The following ZC3H6 variants were observed in gnomAD, a reference collection of about 807,000 sequenced individuals.
The protein encoded by ZC3H6 is zinc finger CCCH domain-containing protein 6.
ZC3H6 carries 40 observed loss-of-function variants against 107.7 expected under a neutral mutation model. The ratio of observed to expected loss-of-function variants is 0.37; its 90% CI spans 0.29 to 0.48. ZC3H6 has a LOEUF of 0.48. ZC3H6 is among the 20% of genes least tolerant of loss of function. ZC3H6 has a pLI of 0.98. For synonymous variants in ZC3H6, 493 were observed against 487.9 expected (o/e 1.01, Z -0.14); for missense variants, 1,267 against 1,410.4 (o/e 0.90, Z 1.63).
At chr2:112,280,778 A>G (rs1375151997) in intron 1 of ZC3H6, among the ~76,000 whole-genome samples, 1 of 152,184 alleles carries the variant, frequency 6.6e-6, no homozygotes, top group African/African-American at 2.4e-5. Context: ...CAGGGATGAT[A>G]AAAGTGTTAG....
chr2:112,299,218 A>C (rs1198525689), intron 1 of ZC3H6, among the ~76,000 whole-genome samples: 1 of 150,632 alleles, frequency 6.6e-6, no homozygotes, highest in Non-Finnish European at 1.5e-5. Flanking sequence ...CGGAGCTTGC[A>C]GTGAGCCGAG....
intron 1 of ZC3H6, among the ~76,000 whole-genome samples, chr2:112,281,918 T>G (rs1010195224): frequency 2.6e-5 from 4 of 151,970 alleles, no homozygotes; most frequent in Admixed American, 6.6e-5. Flanking sequence ...AGTTAAAATA[T>G]TTTAAGGTTT....
At chr2:112,321,903 C>T in intron 8 of ZC3H6, 38 bp downstream of exon 8, 2 of 930,026 alleles carry the variant, frequency 2.2e-6, no homozygotes, top group Non-Finnish European at 1.6e-6. Context: ...TGTCTCTCCA[C>T]AAATACATTT....
At chr2:112,301,366 C>T (rs2104706231) in intron 2 of ZC3H6, among the ~76,000 whole-genome samples, 1 of 152,228 alleles carries the variant, frequency 6.6e-6, no homozygotes, top group South Asian at 2.1e-4. Context: ...GAGAAACAGG[C>T]ATATAGGGCC....
At chr2:112,317,134 C>T (rs530018370) in intron 6 of ZC3H6, 87 bp from the exon 7 acceptor site, 202 of 680,860 alleles carry the variant, frequency 3.0e-4, no homozygotes, top group Admixed American at 7.5e-4. Context: ...CCATGAGACA[C>T]CATGTAGAAA....
At chr2:112,296,521 A>C (rs1344063253) in intron 1 of ZC3H6, among the ~76,000 whole-genome samples, 1 of 152,046 alleles carries the variant, frequency 6.6e-6, no homozygotes, top group Non-Finnish European at 1.5e-5. Flanking sequence ...GAATATGTGC[A>C]CTCATTTTCT....
At chr2:112,279,574 T>C (rs1180580295) in intron 1 of ZC3H6, among the ~76,000 whole-genome samples, 1 of 152,122 alleles carries the variant, frequency 6.6e-6, no homozygotes, top group Non-Finnish European at 1.5e-5. Flanking sequence ...CCCTCGCAGC[T>C]TTCTGTCCTG....
At chr2:112,292,040 TG>T (rs1427603551) in intron 1 of ZC3H6, among the ~76,000 whole-genome samples, 2 of 152,218 alleles carry the variant, frequency 1.3e-5, no homozygotes, top group Non-Finnish European at 2.9e-5. Context: ...AAGTTCTAAT[TG>T]GTTCATTTGG....
intron 1 of ZC3H6, among the ~76,000 whole-genome samples, chr2:112,282,747 T>G (rs961506384): frequency 3.9e-5 from 6 of 152,180 alleles, no homozygotes; most frequent in Non-Finnish European, 8.8e-5. Flanking sequence ...AAAACCAAAT[T>G]TCAATAGTTG....
At position 112,335,030 on chromosome 2, in the gene ZC3H6, T is replaced by TATC. The variant is rs1677115529; in HGVS notation, c.*2543_*2544insTCA. 6.6e-6 allele frequency: 1 copy of TATC among 152,404 alleles called. No homozygotes were observed. The highest frequency in any genetic ancestry group is 1.5e-5 in the Non-Finnish European group (1 of 68,034). The allele number at this position is 152,404 out of a possible 1,614,324, so 9.4% of individuals were successfully genotyped here. On this transcript the variant is annotated 3_prime_UTR_variant, in exon 12 of 12. Transcript: ENST00000409871. Reference sequence around the variant, plus strand: ...TTGTGATGGAAATTCTATACCTGTTTACTGTGATGATGAATACAGTGGATA... The same window carrying TATC: ...TTGTGATGGAAATTCTATACCTGTTTATCACTGTGATGATGAATACAGTGGATA...
At chr2:112,296,833 T>A (rs59676631) in intron 1 of ZC3H6, among the ~76,000 whole-genome samples, 1,874 of 152,282 alleles carry the variant, frequency 0.012, 40 homozygotes, top group African/African-American at 0.043. Flanking sequence ...CTTTCACCAA[T>A]GAACAAACAA....
intron 1 of ZC3H6, among the ~76,000 whole-genome samples, chr2:112,298,686 G>C (rs977169177): frequency 6.6e-6 from 1 of 152,202 alleles, no homozygotes; most frequent in Non-Finnish European, 1.5e-5. Context: ...TGATATAAAA[G>C]AACTTGATCA....
intron 11 of ZC3H6, among the ~76,000 whole-genome samples, chr2:112,327,735 C>T (rs1676939263): frequency 6.6e-6 from 1 of 152,042 alleles, no homozygotes; most frequent in Admixed American, 6.6e-5. Flanking sequence ...TATGGATATC[C>T]AGTTTTTCCC....
rs1392475234 is a variant in ZC3H6 at position 112,339,257 on chromosome 2, A to G, written c.*6769A>G. On this transcript the variant is annotated 3_prime_UTR_variant, in exon 12 of 12. Transcript: ENST00000409871. ...TGAAAAATGATAAACTAACCATTAT[A>G]AAATAGAGGTTTGAGTCCACCTGTA... 1 of 152,152 alleles carries G rather than the reference A, an allele frequency of 6.6e-6. No homozygotes were observed. The highest frequency in any genetic ancestry group is 1.5e-5 in the Non-Finnish European group (1 of 68,018). The allele number at this position is 152,152 out of a possible 1,614,324, so 9.4% of individuals were successfully genotyped here.
rs1025881295 is a variant in ZC3H6, at chr2:112,313,822, C to T, written c.747+1885C>T. ...AGATCCGTCTCTGTCCTAGGCCTTTCAGAGACTATGAGAGTCTCCAAAGCC... is the reference window on the plus strand; with the variant it reads ...AGATCCGTCTCTGTCCTAGGCCTTTTAGAGACTATGAGAGTCTCCAAAGCC... On this transcript the variant is annotated intron_variant, in intron 5 of 11. Coordinates refer to ENST00000409871, the MANE Select transcript of ZC3H6 (RefSeq NM_198581.3). Among the ~76,000 whole-genome samples, 3 of 152,144 alleles carry T rather than the reference C, an allele frequency of 2.0e-5. 1 individual carries two copies. The highest frequency in any genetic ancestry group is 4.4e-5 in the Non-Finnish European group (3 of 68,014).
rs576953236 is a variant in ZC3H6 at position 112,331,420 on chromosome 2, A to C, written c.2502A>C (p.Glu834Asp). Residue 834 changes from glutamate to aspartate, a missense_variant, in exon 12 of 12, where the codon GAA becomes GAC. Glu to Asp is a conservative substitution (Grantham distance 45, BLOSUM62 2). Around this residue, in one of 3 missense-constraint regions of ZC3H6, gnomAD observed 925 missense variants for 1,025.7 expected, o/e 0.90. Transcript: ENST00000409871. ...AAGATACAGAAAGAGAACTGAGAGA[A>C]AAAGCTTTCTTAATACCTTTGGATG... ...DDEDTERELR[E>D]KAFLIPLDAS... 1 of 1,613,698 alleles carries C rather than the reference A, an allele frequency of 6.2e-7. No individual in the cohort carries two copies. Among genetic ancestry groups the C allele is most frequent in the African/African-American group, 1.3e-5 (1 of 75,016 alleles).
At chr2:112,288,843 A>T (rs1370019773) in intron 1 of ZC3H6, among the ~76,000 whole-genome samples, 1 of 72,440 alleles carries the variant, frequency 1.4e-5, no homozygotes, top group East Asian at 6.3e-4. Context: ...ATCCTCTCTA[A>T]CTTTAGGTAG....
At chr2:112,311,359 C>A (rs1215627099) in intron 4 of ZC3H6, among the ~76,000 whole-genome samples, 1 of 152,006 alleles carries the variant, frequency 6.6e-6, no homozygotes, top group Non-Finnish European at 1.5e-5. Context: ...CCAAGTTTTT[C>A]AAAAACAAAA....
At chr2:112,304,951 ATATCT>A (rs1298989447) in intron 3 of ZC3H6, among the ~76,000 whole-genome samples, 2 of 152,166 alleles carry the variant, frequency 1.3e-5, no homozygotes, top group African/African-American at 4.8e-5. Context: ...TTTTATTAAA[ATATCT>A]TCTCTTAAAA....
Sources: gnomAD v4.1 joint callset for allele counts (sites outside exome capture counted in the v4.1 genomes callset) on GRCh38, gnomAD v4.1.1 for gene constraint, gnomAD v4.1.1 regional missense constraint, MANE v1.5 for transcripts, NCBI Gene and HGNC (gene_info 2026-07-23, HGNC 2026-07-21) for gene names.